The following CADM1 variants were observed in gnomAD, a reference collection of about 807,000 sequenced individuals.
CADM1 encodes cell adhesion molecule 1, also known as TSLC-1.
CADM1 carries 15 observed loss-of-function variants against 53.1 expected under a neutral mutation model. The observed-to-expected ratio is 0.28, with a 90% CI of 0.19 to 0.44. The LOEUF is 0.44. CADM1 is among the 20% of genes least tolerant of loss of function. The pLI is 1.00. For synonymous variants in CADM1, 281 were observed against 243.0 expected (o/e 1.16, Z -1.45); for missense variants, 434 against 611.3 (o/e 0.71, Z 3.06).
chr11:115,390,267 A>G (rs1484660140), intron 1 of CADM1, among the ~76,000 whole-genome samples: 2 of 152,126 alleles, frequency 1.3e-5, no homozygotes, highest in African/African-American at 4.8e-5. Context: ...TGCTCAGAGT[A>G]TATGTTCAAG....
At chr11:115,354,568 T>C (rs558643016) in intron 1 of CADM1, among the ~76,000 whole-genome samples, 4 of 152,284 alleles carry the variant, frequency 2.6e-5, no homozygotes, top group South Asian at 2.1e-4. Context: ...GATGGGAGCA[T>C]TGGAGACACA....
intron 1 of CADM1, among the ~76,000 whole-genome samples, chr11:115,276,286 C>T (rs1165206086): frequency 1.3e-5 from 2 of 152,128 alleles, no homozygotes; most frequent in Non-Finnish European, 1.5e-5. Context: ...TAAAAAGCTA[C>T]CCAGTAACAC....
rs1176300559 is a variant in CADM1, at chr11:115,173,690, T to C, written c.*2784A>G. The stretch of plus-strand genomic sequence containing the variant: ...TATTTTATAGTACTTCTTTTTTTTC[T>C]TTTTTTTTTTGTAAAAATGGTATAC... On this transcript the variant is annotated 3_prime_UTR_variant, in exon 12 of 12. Transcript: ENST00000331581. The C allele has an allele frequency of 5.8e-6, 2 of 344,806 alleles. No homozygotes were observed. Among genetic ancestry groups the C allele is most frequent in the Non-Finnish European group, 6.8e-6 (2 of 293,482 alleles). 21.4% of individuals were successfully genotyped at this position (344,806 alleles called of 1,614,324 possible).
intron 1 of CADM1, among the ~76,000 whole-genome samples, chr11:115,474,359 A>G (rs1361837912): frequency 6.6e-6 from 1 of 151,882 alleles, no homozygotes; most frequent in African/African-American, 2.4e-5. Flanking sequence ...CAAGATATTC[A>G]TATCGCAAAT....
At chr11:115,208,460 G>A (rs112425793) in intron 8 of CADM1, among the ~76,000 whole-genome samples, 13 of 152,158 alleles carry the variant, frequency 8.5e-5, no homozygotes, top group African/African-American at 3.1e-4. Flanking sequence ...CAATGAAAAG[G>A]ACAGCAATGA....
At chr11:115,327,128 T>C (rs996429658) in intron 1 of CADM1, among the ~76,000 whole-genome samples, 1 of 152,218 alleles carries the variant, frequency 6.6e-6, no homozygotes, top group East Asian at 1.9e-4. Context: ...ACATGCATAC[T>C]ATCTAATTTG....
chr11:115,211,573 G>C (rs534181191), intron 7 of CADM1, among the ~76,000 whole-genome samples: 2 of 143,748 alleles, frequency 1.4e-5, no homozygotes, highest in Admixed American at 7.4e-5. Flanking sequence ...TCCGCTTCCC[G>C]GGTTCAAGCA....
chr11:115,170,463 CAT>C lies in CADM1; in HGVS notation c.*6009_*6010del, dbSNP rs1828802440. ...TGGGAATGAAAAAAATAAATAAAAA[CAT>C]AAAAATGAAACAAAGTTTCCTGTGT... On this transcript the variant is annotated 3_prime_UTR_variant, in exon 12 of 12. Coordinates refer to ENST00000331581, the MANE Select transcript of CADM1 (RefSeq NM_001301043.2). The C allele has an allele frequency of 6.6e-6, 1 of 151,904 alleles. No individual in the cohort carries two copies. Among genetic ancestry groups the C allele is most frequent in the Non-Finnish European group, 1.5e-5 (1 of 68,008 alleles). The allele number at this position is 151,904 out of a possible 1,614,324, so 9.4% of individuals were successfully genotyped here.
intron 1 of CADM1, among the ~76,000 whole-genome samples, chr11:115,434,441 C>T (rs571784637): frequency 3.3e-5 from 5 of 152,194 alleles, no homozygotes; most frequent in Non-Finnish European, 7.3e-5. Context: ...TTACATTGCC[C>T]GACGCTGACT....
intron 9 of CADM1, among the ~76,000 whole-genome samples, chr11:115,197,201 G>A (rs1940199738): frequency 6.6e-6 from 1 of 152,176 alleles, no homozygotes; most frequent in African/African-American, 2.4e-5. Flanking sequence ...GACCTTCAAG[G>A]ACAGCTCCTA....
At chr11:115,404,341 AAAAAAATATATATATATAT>A (rs1294493499) in intron 1 of CADM1, among the ~76,000 whole-genome samples, 35 of 42,484 alleles carry the variant, frequency 8.2e-4, no homozygotes, top group African/African-American at 2.4e-3. Context: ...AAAAAAAAAA[AAAAAAATATATATATATAT>A]ATATATATAT....
At chr11:115,443,441 G>A (rs1252140856) in intron 1 of CADM1, among the ~76,000 whole-genome samples, 2 of 152,164 alleles carry the variant, frequency 1.3e-5, no homozygotes, top group Admixed American at 6.5e-5. Flanking sequence ...GAACCCAGAA[G>A]TCAATGGTTC....
At chr11:115,200,127 A>G (rs1310309814) in intron 8 of CADM1, among the ~76,000 whole-genome samples, 1 of 152,238 alleles carries the variant, frequency 6.6e-6, no homozygotes. Flanking sequence ...AATATTACTG[A>G]TAGCTTAGTT....
At chr11:115,430,226 T>C (rs892713811) in intron 1 of CADM1, among the ~76,000 whole-genome samples, 8 of 152,216 alleles carry the variant, frequency 5.3e-5, no homozygotes, top group African/African-American at 1.4e-4. Flanking sequence ...ATCTTGTCTC[T>C]TCACTTTCTC....
Position 115,174,355 on chromosome 11 carries a change from T to C in CADM1, c.*2119A>G, listed in dbSNP as rs1228483226. ...CTTTCAACAACATGCTAAATGATTCTCACCCTTTGATATGATTATACTATG... is the reference window on the plus strand; with the variant it reads ...CTTTCAACAACATGCTAAATGATTCCCACCCTTTGATATGATTATACTATG... On this transcript the variant is annotated 3_prime_UTR_variant, in exon 12 of 12. Coordinates refer to ENST00000331581, the MANE Select transcript of CADM1 (RefSeq NM_001301043.2). 1 of 985,364 alleles carries C rather than the reference T, an allele frequency of 1.0e-6. No homozygotes were observed. The highest frequency in any genetic ancestry group is 1.2e-6 in the Non-Finnish European group (1 of 829,626). The allele number at this position is 985,364 out of a possible 1,614,324, so 61.0% of individuals were successfully genotyped here. A position where few individuals can be genotyped will look rare whatever the true frequency, so the allele number is the denominator to read the frequency against.
Position 115,229,137 on chromosome 11 carries a change from T to C in CADM1, c.697A>G (p.Thr233Ala). Residue 233 changes from threonine (T) to alanine (A), a missense_variant, in exon 5 of 12, where the codon ACC becomes GCC. This residue lies in a region of CADM1 where 311 missense variants were observed against 435.1 expected (regional missense o/e 0.71). Transcript: ENST00000331581. ...EHPAVTGNLQ[T>A]QRYLEVQYKP... ...CACTGTACTTCTAGATACCGCTGGG[T>C]CTGCAGGTTTCCAGTGACCGCAGGG... The C allele has an allele frequency of 6.2e-7, 1 of 1,614,034 alleles. No individual in the cohort carries two copies. The highest frequency in any genetic ancestry group is 8.5e-7 in the Non-Finnish European group (1 of 1,179,996).
chr11:115,229,582 T>C (rs1407800475), intron 4 of CADM1, among the ~76,000 whole-genome samples: 2 of 152,166 alleles, frequency 1.3e-5, no homozygotes, highest in African/African-American at 4.8e-5. Context: ...CAGCTGAAAG[T>C]TGAAACATTC....
chr11:115,441,419 C>A (rs1245924770), intron 1 of CADM1, among the ~76,000 whole-genome samples: 2 of 152,156 alleles, frequency 1.3e-5, no homozygotes, highest in Non-Finnish European at 2.9e-5. Flanking sequence ...GCTGTTTCAC[C>A]TCTACCCAAG....
At chr11:115,454,887 T>C (rs1948650061) in intron 1 of CADM1, among the ~76,000 whole-genome samples, 1 of 152,204 alleles carries the variant, frequency 6.6e-6, no homozygotes, top group Non-Finnish European at 1.5e-5. Context: ...AAGGGACAAG[T>C]GTGGCACCCT....
Sources: allele counts gnomAD v4.1 joint callset (sites outside exome capture counted in the v4.1 genomes callset), GRCh38; gene constraint gnomAD v4.1.1; regional missense constraint gnomAD v4.1.1; transcripts MANE v1.5; gene names NCBI Gene and HGNC (gene_info 2026-07-23, HGNC 2026-07-21).